SPNS3: variants seen among roughly 807,000 people sequenced by gnomAD.
SPNS3 encodes the protein SPNS lysolipid transporter 3, sphingosine-1-phosphate (putative).
SPNS3 carries 51 observed loss-of-function variants against 54.4 expected under a neutral mutation model. The observed-to-expected ratio is 0.94, with a 90% CI of 0.75 to 1.18. The LOEUF (loss-of-function observed/expected upper bound fraction) is 1.18. Ranked by LOEUF, SPNS3 falls within the 50% of genes most tolerant of loss-of-function variation. The pLI is 0.00. For missense variants in SPNS3, 669 were observed against 677.4 expected, an observed-to-expected ratio of 0.99 and a Z score of 0.14; for synonymous variants, 309 against 294.7, an observed-to-expected ratio of 1.05 and a Z score of -0.50.
At chr17:4,446,246 C>T (rs763083535) in intron 4 of SPNS3, 47 bp downstream of exon 4, 10 of 1,567,920 alleles carry the variant, frequency 6.4e-6, no homozygotes, top group Non-Finnish European at 6.1e-6. Context: ...AAACTGAGGC[C>T]CAAAGGAGTC....
chr17:4,479,643 G>C (rs915648073), intron 9 of SPNS3, among the ~76,000 whole-genome samples: 7 of 152,226 alleles, frequency 4.6e-5, no homozygotes, highest in African/African-American at 1.7e-4. Flanking sequence ...GCACAGTCTG[G>C]TGCTGGCCAC....
Position 4,486,379 on chromosome 17 carries a change from G to A in SPNS3, c.1279-33G>A. The A allele has an allele frequency of 6.3e-7, 1 of 1,595,666 alleles. No individual in the cohort carries two copies. The highest frequency in any genetic ancestry group is 2.3e-5 in the East Asian group (1 of 44,384). Reference sequence around the variant, plus strand: ...GGGAGGGTCTGGGGGCCAGGCTGGTGGGCCTGGCAGACTCATCCCTTCTCC... The same window carrying A: ...GGGAGGGTCTGGGGGCCAGGCTGGTAGGCCTGGCAGACTCATCCCTTCTCC... On this transcript the variant is annotated intron_variant, in intron 10 of 11. Coordinates refer to ENST00000355530, the MANE Select transcript of SPNS3 (RefSeq NM_182538.5). This position sits in a 1 kb window ranked among gnomAD's most constrained non-coding sequence, Gnocchi z 5.5.
intron 8 of SPNS3, among the ~76,000 whole-genome samples, chr17:4,474,867 G>T (rs1052442705): frequency 6.6e-6 from 1 of 152,012 alleles, no homozygotes; most frequent in Non-Finnish European, 1.5e-5. Flanking sequence ...ACATGTTTTG[G>T]TATTTTGAAT....
rs1464675830 is a variant in SPNS3, at chr17:4,483,677, T to G, written c.1180-2551T>G. 1 of 152,256 alleles carries G rather than the reference T, an allele frequency of 6.6e-6. No individual in the cohort carries two copies. The highest frequency in any genetic ancestry group is 2.4e-5 in the African/African-American group (1 of 41,454). 9.4% of individuals were successfully genotyped at this position (152,256 alleles called of 1,614,324 possible). On this transcript the variant is annotated intron_variant, in intron 9 of 11. Transcript: ENST00000355530. The surrounding 1 kb of genome is among the most constrained non-coding windows in gnomAD (Gnocchi z 4.2). The stretch of plus-strand genomic sequence containing the variant: ...TAATTATGGGGTGAGAAGGAAGTCC[T>G]TGGGGAAGGTGCAAAGCTGTTGGTC...
chr17:4,479,599 C>T (rs1346284807), intron 9 of SPNS3, among the ~76,000 whole-genome samples: 3 of 152,166 alleles, frequency 2.0e-5, no homozygotes, highest in African/African-American at 4.8e-5. Context: ...CTGTGAGCAC[C>T]CTGAGAGCCT....
chr17:4,470,048 C>G (rs1038756627), intron 8 of SPNS3, among the ~76,000 whole-genome samples: 1 of 152,258 alleles, frequency 6.6e-6, no homozygotes, highest in South Asian at 2.1e-4. Flanking sequence ...TCTATACATT[C>G]ACAGGCTTAT....
chr17:4,437,283 G>A (rs1005040538), intron 1 of SPNS3, among the ~76,000 whole-genome samples: 3 of 152,146 alleles, frequency 2.0e-5, no homozygotes, highest in Non-Finnish European at 2.9e-5. Context: ...AAGGGGATGA[G>A]TCCTCATTCC....
rs1387182176 is a variant in SPNS3 at position 4,486,205 on chromosome 17, C to T, written c.1180-23C>T. On this transcript the variant is annotated intron_variant, in intron 9 of 11. Coordinates refer to ENST00000355530, the MANE Select transcript of SPNS3 (RefSeq NM_182538.5). This position sits in a 1 kb window ranked among gnomAD's most constrained non-coding sequence, Gnocchi z 5.5. ...AGGGTGCCCTCACTTGGGGTGCCCC[C>T]CTGCTGTGCCTATGTTTTGCAGTCT... The T allele has an allele frequency of 3.3e-6, 5 of 1,516,234 alleles. No individual in the cohort carries two copies. Among genetic ancestry groups the T allele is most frequent in the Non-Finnish European group, 4.4e-6 (5 of 1,134,938 alleles). 93.9% of individuals were successfully genotyped at this position (1,516,234 alleles called of 1,614,324 possible).
intron 4 of SPNS3, chr17:4,446,514 T>A: frequency 4.1e-6 from 2 of 489,302 alleles, no homozygotes; most frequent in South Asian, 5.6e-5. Flanking sequence ...AGGAAGCGTG[T>A]TAGGGCCAGG....
chr17:4,484,470 G>A (rs535647690), intron 9 of SPNS3, among the ~76,000 whole-genome samples: 46 of 152,154 alleles, frequency 3.0e-4, no homozygotes, highest in African/African-American at 8.7e-4. Flanking sequence ...ATAGGCACGC[G>A]CCACCACACC....
intron 2 of SPNS3, 103 bp downstream of exon 2, chr17:4,439,826 C>A: frequency 9.2e-7 from 1 of 1,090,572 alleles, no homozygotes; most frequent in Non-Finnish European, 1.3e-6. Flanking sequence ...CCACTGGGTC[C>A]CCTGGCACAG....
chr17:4,464,667 G>C (rs950574526), intron 8 of SPNS3, among the ~76,000 whole-genome samples: 1 of 151,990 alleles, frequency 6.6e-6, no homozygotes, highest in African/African-American at 2.4e-5. Flanking sequence ...GCAAACTTTT[G>C]AGCCTGTTCT....
chr17:4,482,698 G>C (rs372901737), intron 9 of SPNS3: 3 of 152,220 alleles, frequency 2.0e-5, no homozygotes, highest in Admixed American at 2.0e-4. Flanking sequence ...GACTGAGATC[G>C]TGTCCCCTGA....
intron 8 of SPNS3, among the ~76,000 whole-genome samples, chr17:4,477,038 G>A (rs779819676): frequency 6.6e-6 from 1 of 152,192 alleles, no homozygotes; most frequent in Non-Finnish European, 1.5e-5. Flanking sequence ...GGGGCCCCCT[G>A]CCCATCTCGG....
chr17:4,470,591 C>A (rs1423208951), intron 8 of SPNS3, among the ~76,000 whole-genome samples: 3 of 152,090 alleles, frequency 2.0e-5, no homozygotes, highest in Non-Finnish European at 4.4e-5. Flanking sequence ...GCAGTCACCC[C>A]CATTTCCCTT....
intron 8 of SPNS3, among the ~76,000 whole-genome samples, chr17:4,466,843 C>CAATA (rs1971689335): frequency 6.6e-6 from 1 of 152,098 alleles, no homozygotes; most frequent in South Asian, 2.1e-4. Flanking sequence ...GACTGCCTCT[C>CAATA]AATAAATAAA....
intron 1 of SPNS3, among the ~76,000 whole-genome samples, chr17:4,435,440 CAAAAAAA>C (rs759364661): frequency 1.5e-5 from 1 of 68,396 alleles, no homozygotes; most frequent in Non-Finnish European, 3.0e-5. Flanking sequence ...GGCTCTGTCT[CAAAAAAA>C]AAAAAATAAA....
At chr17:4,439,186 C>T (rs565349782) in intron 1 of SPNS3, among the ~76,000 whole-genome samples, 18 of 151,782 alleles carry the variant, frequency 1.2e-4, no homozygotes, top group African/African-American at 3.1e-4. Context: ...TGCAATGGCG[C>T]GATCTCGGCT....
intron 9 of SPNS3, among the ~76,000 whole-genome samples, chr17:4,481,075 C>G (rs1049333987): frequency 6.6e-6 from 1 of 151,936 alleles, no homozygotes; most frequent in Admixed American, 6.6e-5. Context: ...AGCAGGACAC[C>G]GAGGGTAGAC....
Sources: gnomAD v4.1 joint callset for allele counts (sites outside exome capture counted in the v4.1 genomes callset) on GRCh38, gnomAD v4.1.1 for gene constraint, Gnocchi (gnomAD v3.1) non-coding constraint, MANE v1.5 for transcripts, NCBI Gene and HGNC (gene_info 2026-07-23, HGNC 2026-07-21) for gene names.